H2AC11: variants seen among roughly 807,000 people sequenced by gnomAD.
H2AC11 encodes histone H2A type 1.
In H2AC11, 8 loss-of-function variants were observed where a neutral mutation model predicts 5.9. The ratio of observed to expected loss-of-function variants is 1.35; its 90% CI spans 0.79 to 2.44. The LOEUF (loss-of-function observed/expected upper bound fraction) is 2.44. Ranked by LOEUF, H2AC11 falls within the 30% of genes most tolerant of loss-of-function variation. H2AC11 has a pLI of 0.00. For missense variants in H2AC11, 189 were observed against 178.6 expected, an observed-to-expected ratio of 1.06 and a Z score of -0.33; for synonymous variants, 161 against 81.9, an observed-to-expected ratio of 1.96 and a Z score of -5.21.
rs1562023625 is a variant in H2AC11, at chr6:27,133,462, T to TAA, written c.392_393dup. The change falls in exon 1 of 1, where the codon TAA becomes TAAAA. Residue 131 remains the stop codon, a frameshift_variant and stop_retained_variant. Coordinates refer to ENST00000359193, the MANE Select transcript of H2AC11 (RefSeq NM_021064.5). LOFTEE classifies it high-confidence loss of function. ...GAGCCACCACAAGGCGAAGGGCAAG[T>TAA]AACTATCTGTACTAGTTTGTGGCAG... is the stretch of plus-strand genomic sequence containing the variant. ...TESHHKAKGK[*] is the part of the protein sequence containing the mutation. 1 of 1,613,828 alleles carries TAA rather than the reference T, an allele frequency of 6.2e-7. No homozygotes were observed. The highest frequency in any genetic ancestry group is 2.2e-5 in the East Asian group (1 of 44,888).
At position 27,133,487 on chromosome 6, in the gene H2AC11, G is replaced by A. The variant is rs913483183; in HGVS notation, c.*23G>A. 2.5e-6 allele frequency: 4 copies of A among 1,600,476 alleles called. No individual in the cohort carries two copies. Among genetic ancestry groups the A allele is most frequent in the East Asian group, 2.2e-5 (1 of 44,620 alleles). On this transcript the variant is annotated 3_prime_UTR_variant, in exon 1 of 1. Coordinates refer to ENST00000359193, the MANE Select transcript of H2AC11 (RefSeq NM_021064.5). ...TAACTATCTGTACTAGTTTGTGGCA[G>A]CTCAAGTAAAATCGAGTCCAAACCA... is the stretch of plus-strand genomic sequence containing the variant.
chr6:27,133,170 C>T lies in H2AC11; in HGVS notation c.99C>T (p.Arg33=), dbSNP rs781303740. The change falls in exon 1 of 1, where the codon CGC becomes CGT. Residue 33 remains arginine, a synonymous_variant. Transcript: ENST00000359193. The part of the protein sequence containing the change: ...GLQFPVGRVH[R]LLRKGNYAER... Reference sequence around the variant, plus strand: ...AGTTCCCCGTGGGCCGAGTGCACCGCCTGCTCCGCAAAGGCAACTATGCCG... The same window carrying T: ...AGTTCCCCGTGGGCCGAGTGCACCGTCTGCTCCGCAAAGGCAACTATGCCG... The T allele has an allele frequency of 1.9e-6, 3 of 1,614,092 alleles. No homozygotes were observed. The highest frequency in any genetic ancestry group is 1.3e-5 in the African/African-American group (1 of 75,050).
Position 27,133,436 on chromosome 6 carries a change from A to C in H2AC11, c.365A>C (p.Glu122Ala). 6.2e-7 allele frequency: 1 copy of C among 1,614,196 alleles called. No homozygotes were observed. The highest frequency in any genetic ancestry group is 8.5e-7 in the Non-Finnish European group (1 of 1,179,992). ...GCCGTGCTACTGCCCAAAAAGACTGAGAGCCACCACAAGGCGAAGGGCAAG... is the reference window on the plus strand; with the variant it reads ...GCCGTGCTACTGCCCAAAAAGACTGCGAGCCACCACAAGGCGAAGGGCAAG... Reference protein sequence around the residue: ...IQAVLLPKKTESHHKAKGK With the variant: ...IQAVLLPKKTASHHKAKGK Residue 122 changes from glutamate (E) to alanine (A), a missense_variant, in exon 1 of 1, where the codon GAG (glutamate) becomes GCG (alanine). Transcript: ENST00000359193.
Position 27,133,380 on chromosome 6 carries a change from C to A in H2AC11, c.309C>A (p.Ile103=), listed in dbSNP as rs764609613. ...ACAAGCTGCTGGGCAAAGTCACCAT[C>A]GCACAGGGCGGTGTCCTGCCCAACA... ...ELNKLLGKVT[I]AQGGVLPNIQ... Residue 103 remains isoleucine (I), a synonymous_variant, in exon 1 of 1, where the codon ATC becomes ATA. Coordinates refer to ENST00000359193, the MANE Select transcript of H2AC11 (RefSeq NM_021064.5). The A allele has an allele frequency of 6.2e-7, 1 of 1,614,244 alleles. No individual in the cohort carries two copies. The highest frequency in any genetic ancestry group is 2.2e-5 in the East Asian group (1 of 44,886).
chr6:27,133,078 G>A lies in H2AC11; in HGVS notation c.7G>A (p.Gly3Arg), dbSNP rs1295124382. ...GTAGTGAGTTGCGCTCGCTATGTCTGGACGTGGCAAGCAGGGAGGCAAAGC... is the reference window on the plus strand; with the variant it reads ...GTAGTGAGTTGCGCTCGCTATGTCTAGACGTGGCAAGCAGGGAGGCAAAGC... MS[G>R]RGKQGGKARA... The change falls in exon 1 of 1, where the codon GGA (glycine) becomes AGA (arginine). Residue 3 changes from glycine (G) to arginine (R), a missense_variant. Gly to Arg is a moderately radical substitution (Grantham distance 125). Coordinates refer to ENST00000359193, the MANE Select transcript of H2AC11 (RefSeq NM_021064.5). The A allele has an allele frequency of 6.2e-7, 1 of 1,611,362 alleles. No individual in the cohort carries two copies. Among genetic ancestry groups the A allele is most frequent in the East Asian group, 2.2e-5 (1 of 44,842 alleles).
Position 27,133,081 on chromosome 6 carries a change from C to G in H2AC11, c.10C>G (p.Arg4Gly). 6.2e-7 allele frequency: 1 copy of G among 1,611,354 alleles called. No homozygotes were observed. The highest frequency in any genetic ancestry group is 1.1e-5 in the South Asian group (1 of 90,832). Reference sequence around the variant, plus strand: ...GTGAGTTGCGCTCGCTATGTCTGGACGTGGCAAGCAGGGAGGCAAAGCCCG... The same window carrying G: ...GTGAGTTGCGCTCGCTATGTCTGGAGGTGGCAAGCAGGGAGGCAAAGCCCG... Reference protein sequence around the residue: MSGRGKQGGKARAK... With the variant: MSGGGKQGGKARAK... The change falls in exon 1 of 1, where the codon CGT becomes GGT. Residue 4 changes from arginine (R) to glycine (G), a missense_variant. Arg to Gly is a moderately radical substitution (Grantham distance 125, BLOSUM62 -2). Transcript: ENST00000359193.
rs757242181 is a variant in H2AC11 at position 27,133,167 on chromosome 6, C to T, written c.96C>T (p.His32=). ...TCCAGTTCCCCGTGGGCCGAGTGCA[C>T]CGCCTGCTCCGCAAAGGCAACTATG... ...AGLQFPVGRV[H]RLLRKGNYAE... is the part of the protein sequence containing the mutation. Residue 32 remains histidine (H), a synonymous_variant, in exon 1 of 1, where the codon CAC becomes CAT. Transcript: ENST00000359193. 2.5e-6 allele frequency: 4 copies of T among 1,614,110 alleles called. No individual in the cohort carries two copies. The highest frequency in any genetic ancestry group is 2.2e-5 in the South Asian group (2 of 91,054).
chr6:27,133,158 C>T lies in H2AC11; in HGVS notation c.87C>T (p.Gly29=), dbSNP rs1759878603. The stretch of plus-strand genomic sequence containing the variant: ...GGGCCGGTCTCCAGTTCCCCGTGGG[C>T]CGAGTGCACCGCCTGCTCCGCAAAG... ...SSRAGLQFPV[G]RVHRLLRKGN... The change falls in exon 1 of 1, where the codon GGC becomes GGT. Residue 29 remains glycine, a synonymous_variant. Transcript: ENST00000359193. 2.5e-6 allele frequency: 4 copies of T among 1,614,092 alleles called. No homozygotes were observed. The highest frequency in any genetic ancestry group is 3.4e-6 in the Non-Finnish European group (4 of 1,179,986).
chr6:27,133,105 C>T lies in H2AC11; in HGVS notation c.34C>T (p.Arg12Cys), dbSNP rs1327855564. The change falls in exon 1 of 1, where the codon CGC becomes TGC. Residue 12 changes from arginine to cysteine, a missense_variant. By Grantham distance (180) the Arg-to-Cys change is radical. Transcript: ENST00000359193. ...SGRGKQGGKA[R>C]AKAKTRSSRA... ...ACGTGGCAAGCAGGGAGGCAAAGCC[C>T]GCGCTAAGGCCAAGACTCGCTCTTC... The T allele has an allele frequency of 6.2e-6, 10 of 1,613,438 alleles. No homozygotes were observed. Among genetic ancestry groups the T allele is most frequent in the East Asian group, 2.2e-5 (1 of 44,874 alleles).
At position 27,133,139 on chromosome 6, in the gene H2AC11, G is replaced by A; in HGVS notation, c.68G>A (p.Gly23Asp). 6.2e-7 allele frequency: 1 copy of A among 1,614,072 alleles called. No homozygotes were observed. The highest frequency in any genetic ancestry group is 8.5e-7 in the Non-Finnish European group (1 of 1,179,996). ...GCCAAGACTCGCTCTTCTAGGGCCGGTCTCCAGTTCCCCGTGGGCCGAGTG... is the reference window on the plus strand; with the variant it reads ...GCCAAGACTCGCTCTTCTAGGGCCGATCTCCAGTTCCCCGTGGGCCGAGTG... ...AKAKTRSSRA[G>D]LQFPVGRVHR... The change falls in exon 1 of 1, where the codon GGT (glycine) becomes GAT (aspartate). Residue 23 changes from glycine to aspartate, a missense_variant. Coordinates refer to ENST00000359193, the MANE Select transcript of H2AC11 (RefSeq NM_021064.5).
chr6:27,133,443 C>G lies in H2AC11; in HGVS notation c.372C>G (p.His124Gln). ...TACTGCCCAAAAAGACTGAGAGCCA[C>G]CACAAGGCGAAGGGCAAGTAACTAT... ...AVLLPKKTES[H>Q]HKAKGK is the part of the protein sequence containing the mutation. Residue 124 changes from histidine to glutamine, a missense_variant, in exon 1 of 1, where the codon CAC (histidine) becomes CAG (glutamine). Physicochemically the swap from His to Gln is conservative, Grantham distance 24. Transcript: ENST00000359193. The G allele has an allele frequency of 6.2e-7, 1 of 1,614,112 alleles. No homozygotes were observed. The highest frequency in any genetic ancestry group is 8.5e-7 in the Non-Finnish European group (1 of 1,179,944).
chr6:27,133,071 T>C lies in H2AC11; in HGVS notation c.-1T>C, dbSNP rs1228633764. ...GTTGCTCGTAGTGAGTTGCGCTCGC[T>C]ATGTCTGGACGTGGCAAGCAGGGAG... On this transcript the variant is annotated 5_prime_UTR_variant, in exon 1 of 1. Transcript: ENST00000359193. 6.2e-6 allele frequency: 10 copies of C among 1,607,230 alleles called. No individual in the cohort carries two copies. Among genetic ancestry groups the C allele is most frequent in the East Asian group, 2.2e-5 (1 of 44,744 alleles).
In H2AC11 at chr6:27,133,217, CGG is replaced by C. The variant is rs1163968255; in HGVS notation, c.147_148del (p.Tyr51SerfsTer71). 6.2e-7 allele frequency: 1 copy of C among 1,614,102 alleles called. No homozygotes were observed. The highest frequency in any genetic ancestry group is 1.7e-5 in the Admixed American group (1 of 60,016). ...GCCGAGCGGGTCGGGGCCGGCGCGCCGGTGTATCTGGCAGCGGTGCTGGAGTA... is the reference window on the plus strand; with the variant it reads ...GCCGAGCGGGTCGGGGCCGGCGCGCCTGTATCTGGCAGCGGTGCTGGAGTA... On this transcript the variant is annotated frameshift_variant, in exon 1 of 1. Coordinates refer to ENST00000359193, the MANE Select transcript of H2AC11 (RefSeq NM_021064.5). LOFTEE classifies it high-confidence loss of function.
At position 27,133,363 on chromosome 6, in the gene H2AC11, C is replaced by T. The variant is rs2113638143; in HGVS notation, c.292C>T (p.Leu98=). 4 of 1,614,258 alleles carry T rather than the reference C, an allele frequency of 2.5e-6. No individual in the cohort carries two copies. Among genetic ancestry groups the T allele is most frequent in the East Asian group, 2.2e-5 (1 of 44,884 alleles). The change falls in exon 1 of 1, where the codon CTG becomes TTG. Residue 98 remains leucine, a synonymous_variant. Transcript: ENST00000359193. ...IRNDEELNKL[L]GKVTIAQGGV... ...CAACGACGAGGAGCTCAACAAGCTGCTGGGCAAAGTCACCATCGCACAGGG... is the reference window on the plus strand; with the variant it reads ...CAACGACGAGGAGCTCAACAAGCTGTTGGGCAAAGTCACCATCGCACAGGG...
Position 27,133,070 on chromosome 6 carries a change from C to T in H2AC11, c.-2C>T, listed in dbSNP as rs371817133. ...GGTTGCTCGTAGTGAGTTGCGCTCG[C>T]TATGTCTGGACGTGGCAAGCAGGGA... On this transcript the variant is annotated 5_prime_UTR_variant, in exon 1 of 1. Coordinates refer to ENST00000359193, the MANE Select transcript of H2AC11 (RefSeq NM_021064.5). 8.7e-6 allele frequency: 14 copies of T among 1,607,072 alleles called. No individual in the cohort carries two copies. The highest frequency in any genetic ancestry group is 6.6e-5 in the South Asian group (6 of 90,578).
Position 27,133,504 on chromosome 6 carries a change from T to C in H2AC11, c.*40T>C. On this transcript the variant is annotated 3_prime_UTR_variant, in exon 1 of 1. Coordinates refer to ENST00000359193, the MANE Select transcript of H2AC11 (RefSeq NM_021064.5). ...TTGTGGCAGCTCAAGTAAAATCGAG[T>C]CCAAACCAACGGCTCTTTTCAGGGC... The C allele has an allele frequency of 6.3e-7, 1 of 1,591,670 alleles. No homozygotes were observed.
In H2AC11 at chr6:27,133,259, T is replaced by C. The variant is rs977031401; in HGVS notation, c.188T>C (p.Ile63Thr). 1 of 1,613,568 alleles carries C rather than the reference T, an allele frequency of 6.2e-7. No individual in the cohort carries two copies. The highest frequency in any genetic ancestry group is 8.5e-7 in the Non-Finnish European group (1 of 1,179,964). Residue 63 changes from isoleucine to threonine, a missense_variant, in exon 1 of 1, where the codon ATC (isoleucine) becomes ACC (threonine). Physicochemically the swap from Ile to Thr is moderately conservative, Grantham distance 89 (BLOSUM62 -1). Coordinates refer to ENST00000359193, the MANE Select transcript of H2AC11 (RefSeq NM_021064.5). ...AAVLEYLTAE[I>T]LELAGNAARD... is the part of the protein sequence containing the mutation. ...GTGCTGGAGTACCTGACCGCCGAGA[T>C]CCTGGAACTGGCGGGCAACGCGGCC...
rs995051731 is a variant in H2AC11, at chr6:27,133,147, T to C, written c.76T>C (p.Phe26Leu). The C allele has an allele frequency of 1.4e-5, 22 of 1,613,940 alleles. No individual in the cohort carries two copies. Among genetic ancestry groups the C allele is most frequent in the Non-Finnish European group, 1.8e-5 (21 of 1,179,990 alleles). Residue 26 changes from phenylalanine to leucine, a missense_variant, in exon 1 of 1, where the codon TTC (phenylalanine) becomes CTC (leucine). By Grantham distance (22) the Phe-to-Leu change is conservative. Transcript: ENST00000359193. Reference protein sequence around the residue: ...KTRSSRAGLQFPVGRVHRLLR... With the variant: ...KTRSSRAGLQLPVGRVHRLLR... ...TCGCTCTTCTAGGGCCGGTCTCCAG[T>C]TCCCCGTGGGCCGAGTGCACCGCCT...
Position 27,133,519 on chromosome 6 carries a change from C to CTTTTCA in H2AC11, c.*56_*61dup. On this transcript the variant is annotated 3_prime_UTR_variant, in exon 1 of 1. Coordinates refer to ENST00000359193, the MANE Select transcript of H2AC11 (RefSeq NM_021064.5). Reference sequence around the variant, plus strand: ...TAAAATCGAGTCCAAACCAACGGCTCTTTTCAGGGCCACCCACGTCTTCTC... The same window carrying CTTTTCA: ...TAAAATCGAGTCCAAACCAACGGCTCTTTTCATTTTCAGGGCCACCCACGTCTTCTC... 6.4e-7 allele frequency: 1 copy of CTTTTCA among 1,571,574 alleles called. No individual in the cohort carries two copies. The highest frequency in any genetic ancestry group is 1.2e-5 in the South Asian group (1 of 85,930).
Sources: gnomAD v4.1 joint callset for allele counts on GRCh38, gnomAD v4.1.1 for gene constraint, MANE v1.5 for transcripts, NCBI Gene and HGNC (gene_info 2026-07-23, HGNC 2026-07-21) for gene names.